Variants in SCN3A observed in about 807,000 individuals in gnomAD.
The protein encoded by SCN3A is sodium channel protein type 3 subunit alpha.
In SCN3A, 60 loss-of-function variants were observed where a neutral mutation model predicts 187.6. The observed-to-expected ratio is 0.32, with a 90% confidence interval of 0.26 to 0.40. The LOEUF (loss-of-function observed/expected upper bound fraction) is 0.40. SCN3A is among the 10% of genes least tolerant of loss of function. The pLI, the probability that SCN3A is intolerant of heterozygous loss-of-function variation, is 1.00. For missense variants in SCN3A, 1,601 were observed against 2,428.2 expected (o/e 0.66, Z 7.16); for synonymous variants, 788 against 829.2 (o/e 0.95, Z 0.85).
At chr2:165,128,446 AGAG>A (rs1559208594) in intron 17 of SCN3A, among the ~76,000 whole-genome samples, 2 of 152,016 alleles carry the variant, frequency 1.3e-5, no homozygotes, top group African/African-American at 4.8e-5. Flanking sequence ...AGAGAGAGAG[AGAG>A]AAAGATACTT....
At chr2:165,113,239 G>A (rs1051665117) in intron 20 of SCN3A, among the ~76,000 whole-genome samples, 181 bp from the exon 21 acceptor site, 5 of 152,078 alleles carry the variant, frequency 3.3e-5, no homozygotes, top group South Asian at 2.1e-4. Flanking sequence ...GCAGGGAAAC[G>A]TCATGCCTTT....
At chr2:165,163,410 C>G (rs746252301) in intron 7 of SCN3A, among the ~76,000 whole-genome samples, 10 of 152,022 alleles carry the variant, frequency 6.6e-5, no homozygotes, top group Non-Finnish European at 1.3e-4. Context: ...ATGTCTCATG[C>G]AATTTTCTGT....
At chr2:165,185,983 A>G (rs1004121200) in intron 2 of SCN3A, among the ~76,000 whole-genome samples, 2 of 151,904 alleles carry the variant, frequency 1.3e-5, no homozygotes, top group Admixed American at 6.6e-5. Context: ...TATATAAAAA[A>G]CTCAGTTGCT....
At chr2:165,144,823 G>T (rs1688223626) in intron 12 of SCN3A, among the ~76,000 whole-genome samples, 1 of 151,946 alleles carries the variant, frequency 6.6e-6, no homozygotes, top group African/African-American at 2.4e-5. Flanking sequence ...TATTCTTTGA[G>T]GTATTTTCAG....
At chr2:165,161,774 C>T (rs757130149) in intron 9 of SCN3A, among the ~76,000 whole-genome samples, 1 of 152,178 alleles carries the variant, frequency 6.6e-6, no homozygotes, top group Non-Finnish European at 1.5e-5. Flanking sequence ...TTCATTATGT[C>T]AACTGATACT....
Position 165,127,861 on chromosome 2 carries a change from T to G in SCN3A, c.3163A>C (p.Ile1055Leu), listed in dbSNP as rs1444255367. The G allele has an allele frequency of 6.2e-7, 1 of 1,614,230 alleles. No homozygotes were observed. The highest frequency in any genetic ancestry group is 1.1e-5 in the South Asian group (1 of 91,086). Residue 1055 changes from isoleucine (I) to leucine (L), a missense_variant, in exon 18 of 28, where the codon ATT (isoleucine) becomes CTT (leucine). Physicochemically the swap from Ile to Leu is conservative, Grantham distance 5. This residue lies in a region of SCN3A where 267 missense variants were observed against 313.2 expected (regional missense o/e 0.85). Coordinates refer to ENST00000283254, the MANE Select transcript of SCN3A (RefSeq NM_006922.4). ...TAATTAAGCTCTTTGCTTATTTCAA[T>G]TCCAGTATTATTGGACATGCAGCTG... Reference protein sequence around the residue: ...IDSCMSNNTGIEISKELNYLR... With the variant: ...IDSCMSNNTGLEISKELNYLR...
chr2:165,170,151 G>A (rs1478179332), intron 4 of SCN3A, among the ~76,000 whole-genome samples: 1 of 151,862 alleles, frequency 6.6e-6, no homozygotes, highest in South Asian at 2.1e-4. Context: ...CCTCATTGAA[G>A]CTGATAAAGG....
At chr2:165,107,834 C>A (rs1222868630) in intron 21 of SCN3A, among the ~76,000 whole-genome samples, 12 of 152,080 alleles carry the variant, frequency 7.9e-5, no homozygotes, top group Non-Finnish European at 2.9e-5. Context: ...AAATCAAAAG[C>A]TTGTTAAAAA....
chr2:165,125,052 A>G (rs1686905474), intron 18 of SCN3A, among the ~76,000 whole-genome samples: 1 of 152,118 alleles, frequency 6.6e-6, no homozygotes, highest in Non-Finnish European at 1.5e-5. Flanking sequence ...CATATTTTCC[A>G]CTATATATTC....
chr2:165,122,239 CTTTTTT>C (rs1286913407), intron 18 of SCN3A, among the ~76,000 whole-genome samples: 23 of 128,916 alleles, frequency 1.8e-4, no homozygotes, highest in Non-Finnish European at 1.1e-4. Flanking sequence ...TCTTTTTTTT[CTTTTTT>C]TTTTTTTTTA....
chr2:165,138,760 C>A, intron 14 of SCN3A, among the ~76,000 whole-genome samples: 1 of 151,914 alleles, frequency 6.6e-6, no homozygotes, highest in Non-Finnish European at 1.5e-5. Context: ...ATCTAATACA[C>A]CAAGAAGACA....
intron 9 of SCN3A, 150 bp from the exon 10 acceptor site, chr2:165,156,053 C>G (rs1356742517): frequency 1.2e-6 from 1 of 860,836 alleles, no homozygotes; most frequent in Non-Finnish European, 1.9e-6. Context: ...GATTGCCCAC[C>G]GTGAAACTTA....
intron 15 of SCN3A, among the ~76,000 whole-genome samples, chr2:165,132,315 A>C (rs2105781275): frequency 6.6e-6 from 1 of 152,320 alleles, no homozygotes; most frequent in South Asian, 2.1e-4. Flanking sequence ...AAGAGCCTGC[A>C]TCGCCCAGTC....
intron 5 of SCN3A, 134 bp from the exon 6 acceptor site, chr2:165,164,654 A>G: frequency 2.0e-6 from 2 of 976,388 alleles, no homozygotes; most frequent in East Asian, 2.7e-5. Context: ...CTATTTACCA[A>G]ATAATCTATT....
intron 21 of SCN3A, among the ~76,000 whole-genome samples, chr2:165,109,493 C>T (rs1686016381): frequency 6.6e-6 from 1 of 152,146 alleles, no homozygotes; most frequent in Admixed American, 6.5e-5. Context: ...CTGATATTCC[C>T]CATCCCAGTT....
chr2:165,102,712 A>G (rs993418287), intron 21 of SCN3A, among the ~76,000 whole-genome samples: 2 of 152,170 alleles, frequency 1.3e-5, no homozygotes, highest in African/African-American at 2.4e-5. Flanking sequence ...CCCAGAGGAC[A>G]TAGTGCCAGA....
intron 18 of SCN3A, among the ~76,000 whole-genome samples, chr2:165,118,090 G>A (rs891476136): frequency 2.6e-5 from 4 of 152,116 alleles, no homozygotes; most frequent in African/African-American, 9.7e-5. Context: ...TTGTTATTGG[G>A]AAGGTCATTA....
At chr2:165,194,356 C>A (rs938817997) in intron 1 of SCN3A, among the ~76,000 whole-genome samples, 1 of 152,108 alleles carries the variant, frequency 6.6e-6, no homozygotes, top group Non-Finnish European at 1.5e-5. Flanking sequence ...AGGCTTACTC[C>A]AAATGTTTGT....
chr2:165,143,731 T>A (rs1249109222), intron 12 of SCN3A, among the ~76,000 whole-genome samples: 1 of 152,180 alleles, frequency 6.6e-6, no homozygotes, highest in African/African-American at 2.4e-5. Flanking sequence ...ATCTTTTTCA[T>A]CTTGTTCCCA....
Sources: gnomAD v4.1 joint callset for allele counts (sites outside exome capture counted in the v4.1 genomes callset) on GRCh38, gnomAD v4.1.1 for gene constraint, gnomAD v4.1.1 regional missense constraint, MANE v1.5 for transcripts, NCBI Gene and HGNC (gene_info 2026-07-23, HGNC 2026-07-21) for gene names.